Variants in PTBP3 observed in about 807,000 individuals in gnomAD.
PTBP3 encodes the protein polypyrimidine tract-binding protein 3.
Under a neutral mutation model 58.7 loss-of-function variants are expected in PTBP3, and 20 were observed. The ratio of observed to expected loss-of-function variants is 0.34; its 90% CI spans 0.24 to 0.50. PTBP3 has a LOEUF of 0.50. Among genes scored for constraint, PTBP3 ranks in the 20% least tolerant of loss-of-function variants. The probability of loss-of-function intolerance (pLI) is 0.98; values close to 1 mark genes in which losing one functional copy is unlikely to be tolerated. For missense variants in PTBP3, 509 were observed against 637.2 expected (o/e 0.80, Z 2.17); for synonymous variants, 185 against 219.8 (o/e 0.84, Z 1.40).
At chr9:112,345,380 A>AAT in the PTBP3 span, among the ~76,000 whole-genome samples, 6 of 113,980 alleles carry the variant, frequency 5.3e-5, no homozygotes, top group African/African-American at 1.0e-4. Flanking sequence ...AGGAAAAAAA[A>AAT]TTTTTTTTTT....
chr9:112,268,088 A>G lies in PTBP3; in HGVS notation c.312T>C (p.Asn104=). ...GATTGTCAGTCTTAAGTTCTCTGTG[A>G]TTGGAATACTGAATATAAACAGGCT... ...RSQPVYIQYS[N]HRELKTDNLP... is the part of the protein sequence containing the mutation. The change falls in exon 4 of 14, where the codon AAT becomes AAC. Residue 104 remains asparagine, a synonymous_variant. Transcript: ENST00000374257. 1 of 1,613,586 alleles carries G rather than the reference A, an allele frequency of 6.2e-7. No individual in the cohort carries two copies.
intron 6 of PTBP3, among the ~76,000 whole-genome samples, chr9:112,251,764 A>G (rs1195668934): frequency 1.3e-5 from 2 of 152,216 alleles, no homozygotes; most frequent in East Asian, 3.8e-4. Flanking sequence ...ATTTATAAAA[A>G]TAGATACCAG....
At chr9:112,305,620 T>C (rs1477689532) in intron 1 of PTBP3, among the ~76,000 whole-genome samples, 2 of 152,124 alleles carry the variant, frequency 1.3e-5, no homozygotes, top group African/African-American at 4.8e-5. Context: ...TCTGCGTCCT[T>C]TTCCTCTAGC....
At chr9:112,365,285 G>T in the PTBP3 span, among the ~76,000 whole-genome samples, 5 of 152,124 alleles carry the variant, frequency 3.3e-5, no homozygotes, top group Non-Finnish European at 7.3e-5. Flanking sequence ...ATCTCATCTT[G>T]TAGCTCCCAT....
the PTBP3 span, among the ~76,000 whole-genome samples, chr9:112,358,287 G>A: frequency 6.6e-6 from 1 of 152,158 alleles, no homozygotes; most frequent in African/African-American, 2.4e-5. Context: ...TCTAACCTGG[G>A]AGACAGTGAG....
chr9:112,320,314 A>ATATATATATATATATATTTTTTTT, intron 1 of PTBP3, among the ~76,000 whole-genome samples: 10 of 75,686 alleles, frequency 1.3e-4, no homozygotes, highest in African/African-American at 2.0e-4. Context: ...ATATATATAT[A>ATATATATATATATATATTTTTTTT]TTTTTTTTTA....
At chr9:112,249,288 T>C (rs997480312) in intron 7 of PTBP3, among the ~76,000 whole-genome samples, 6 of 152,138 alleles carry the variant, frequency 3.9e-5, no homozygotes, top group African/African-American at 1.4e-4. Flanking sequence ...ACCTGGGTGG[T>C]AGTCACATGG....
At chr9:112,291,870 C>T (rs1041609228) in intron 2 of PTBP3, among the ~76,000 whole-genome samples, 4 of 152,054 alleles carry the variant, frequency 2.6e-5, no homozygotes, top group African/African-American at 9.7e-5. Context: ...ACAAATGGGG[C>T]TAATATCAAA....
intron 5 of PTBP3, among the ~76,000 whole-genome samples, chr9:112,256,852 T>A (rs1209928154): frequency 2.1e-5 from 1 of 48,780 alleles, no homozygotes; most frequent in Admixed American, 2.3e-4. Flanking sequence ...TCCCTTTTTT[T>A]AAAGCTTTCA....
intron 1 of PTBP3, chr9:112,332,653 A>T (rs1830422225): frequency 1.8e-6 from 2 of 1,120,472 alleles, no homozygotes. Flanking sequence ...CCCACCCCAT[A>T]TCCCTGAGTC....
At chr9:112,307,929 A>G (rs1417171885) in intron 1 of PTBP3, among the ~76,000 whole-genome samples, 1 of 152,240 alleles carries the variant, frequency 6.6e-6, no homozygotes, top group Non-Finnish European at 1.5e-5. Context: ...AACTTTCTTA[A>G]AACATTAAGA....
chr9:112,297,367 G>C (rs1828735470), intron 2 of PTBP3, among the ~76,000 whole-genome samples: 1 of 152,090 alleles, frequency 6.6e-6, no homozygotes, highest in Admixed American at 6.5e-5. Flanking sequence ...ATCACACCCA[G>C]CTAATTTTTG....
rs1341050950 is a variant in PTBP3, at chr9:112,223,430, AT to A, written c.*420del. The stretch of plus-strand genomic sequence containing the variant: ...AAGGTTAATAACTTGGTCATAAGTG[AT>A]TTAAATTACTTACATCAAGTAATTT... On this transcript the variant is annotated 3_prime_UTR_variant, in exon 14 of 14. Coordinates refer to ENST00000374257, the MANE Select transcript of PTBP3 (RefSeq NM_001163788.4). The A allele has an allele frequency of 6.5e-6, 6 of 920,716 alleles. No homozygotes were observed. Among genetic ancestry groups the A allele is most frequent in the Non-Finnish European group, 7.8e-6 (6 of 768,470 alleles). 57.0% of individuals were successfully genotyped at this position (920,716 alleles called of 1,614,324 possible).
rs1834858339 is a variant in PTBP3 at position 112,223,071 on chromosome 9, T to G, written c.*780A>C. On this transcript the variant is annotated 3_prime_UTR_variant, in exon 14 of 14. Coordinates refer to ENST00000374257, the MANE Select transcript of PTBP3 (RefSeq NM_001163788.4). The stretch of plus-strand genomic sequence containing the variant: ...CATATTACTTGACAAATAAGTGTCA[T>G]TTTGAAATTTAAAACATGATTTTTT... The G allele has an allele frequency of 1.2e-6, 1 of 857,812 alleles. No individual in the cohort carries two copies. Among genetic ancestry groups the G allele is most frequent in the Non-Finnish European group, 1.4e-6 (1 of 713,506 alleles). The allele number at this position is 857,812 out of a possible 1,614,324, so 53.1% of individuals were successfully genotyped here. A position where few individuals can be genotyped will look rare whatever the true frequency, so the allele number is the denominator to read the frequency against.
At position 112,222,399 on chromosome 9, in the gene PTBP3, A is replaced by G; in HGVS notation, c.*1452T>C. 1.0e-6 allele frequency: 1 copy of G among 985,738 alleles called. No individual in the cohort carries two copies. The highest frequency in any genetic ancestry group is 1.2e-6 in the Non-Finnish European group (1 of 829,926). 61.1% of individuals were successfully genotyped at this position (985,738 alleles called of 1,614,324 possible). A position where few individuals can be genotyped will look rare whatever the true frequency, so the allele number is the denominator to read the frequency against. On this transcript the variant is annotated 3_prime_UTR_variant, in exon 14 of 14. Coordinates refer to ENST00000374257, the MANE Select transcript of PTBP3 (RefSeq NM_001163788.4). ...GTGGGTACTCAGTAATGAAAGTCAC[A>G]TTAACAAAGAAAAGCAAGTTCTCGC...
chr9:112,234,326 C>T (rs964602783), intron 8 of PTBP3, among the ~76,000 whole-genome samples: 1 of 152,184 alleles, frequency 6.6e-6, no homozygotes, highest in African/African-American at 2.4e-5. Flanking sequence ...ATGCATACCC[C>T]TCTATCGTAA....
chr9:112,293,527 A>G (rs1226552667), intron 2 of PTBP3, among the ~76,000 whole-genome samples: 2 of 152,166 alleles, frequency 1.3e-5, no homozygotes, highest in African/African-American at 4.8e-5. Flanking sequence ...CTCAATTATG[A>G]TTAGACAGGA....
At chr9:112,353,925 T>C in the PTBP3 span, among the ~76,000 whole-genome samples, 3 of 151,950 alleles carry the variant, frequency 2.0e-5, no homozygotes, top group Non-Finnish European at 2.9e-5. Context: ...GCCACTGCAC[T>C]CCAGCCTGGG....
At chr9:112,245,662 T>C (rs956196979) in intron 7 of PTBP3, among the ~76,000 whole-genome samples, 1 of 152,164 alleles carries the variant, frequency 6.6e-6, no homozygotes, top group Non-Finnish European at 1.5e-5. Context: ...CCAGGGCTCA[T>C]TGAAGAAATG....
Sources: gnomAD v4.1 joint callset for allele counts (sites outside exome capture counted in the v4.1 genomes callset) on GRCh38, gnomAD v4.1.1 for gene constraint, MANE v1.5 for transcripts, NCBI Gene and HGNC (gene_info 2026-07-23, HGNC 2026-07-21) for gene names.